The following ARHGAP17 variants were observed in gnomAD, a reference collection of about 807,000 sequenced individuals.
ARHGAP17 encodes rho GTPase-activating protein 17.
In ARHGAP17, 57 loss-of-function variants were observed where a neutral mutation model predicts 99.5. That is an observed-to-expected ratio of 0.57 (90% confidence interval 0.46 to 0.71). The LOEUF is 0.71. ARHGAP17 is among the 30% of genes least tolerant of loss of function. ARHGAP17 has a pLI of 0.00. For missense variants in ARHGAP17, 1,000 were observed against 1,122.4 expected (o/e 0.89, Z 1.56); for synonymous variants, 417 against 429.6 (o/e 0.97, Z 0.36).
At chr16:24,967,804 G>C (rs1242919258) in intron 6 of ARHGAP17, among the ~76,000 whole-genome samples, 2 of 150,842 alleles carry the variant, frequency 1.3e-5, no homozygotes, top group East Asian at 3.9e-4. Flanking sequence ...AAAAGAAAAG[G>C]AAAGAAAAAA....
intron 1 of ARHGAP17, among the ~76,000 whole-genome samples, chr16:24,995,360 G>A (rs2053163485): frequency 6.6e-6 from 1 of 152,182 alleles, no homozygotes; most frequent in Admixed American, 6.5e-5. Context: ...AAGATATCCT[G>A]AAACTGGTGA....
At chr16:24,988,474 A>G (rs1292176522) in intron 1 of ARHGAP17, among the ~76,000 whole-genome samples, 1 of 152,208 alleles carries the variant, frequency 6.6e-6, no homozygotes, top group Admixed American at 6.5e-5. Flanking sequence ...TTATTTCCCC[A>G]AATGATGGTA....
chr16:24,931,288 G>C lies in ARHGAP17; in HGVS notation c.2011C>G (p.Pro671Ala), dbSNP rs777726865. The C allele has an allele frequency of 6.5e-7, 1 of 1,528,892 alleles. No individual in the cohort carries two copies. Among genetic ancestry groups the C allele is most frequent in the Non-Finnish European group, 8.8e-7 (1 of 1,138,476 alleles). The allele number at this position is 1,528,892 out of a possible 1,614,324, so 94.7% of individuals were successfully genotyped here. A position where few individuals can be genotyped will look rare whatever the true frequency, so the allele number is the denominator to read the frequency against. ...GTGGGAGGAGAGGGGCTTCGGGTGG[G>C]TGGCTTTGGTGACAGACTGGGTGGA... is the stretch of plus-strand genomic sequence containing the variant. ...QHPPSLSPKP[P>A]TRSPSPPTQH... Residue 671 changes from proline (P) to alanine (A), a missense_variant, in exon 19 of 20, where the codon CCC becomes GCC. Physicochemically the swap from Pro to Ala is conservative, Grantham distance 27. Coordinates refer to ENST00000289968, the MANE Select transcript of ARHGAP17 (RefSeq NM_001006634.3).
chr16:24,929,622 G>A (rs2050929612), intron 19 of ARHGAP17: 2 of 987,864 alleles, frequency 2.0e-6, no homozygotes, highest in Non-Finnish European at 2.4e-6. Flanking sequence ...CCTTAGTCCT[G>A]GAAACCTTCC....
intron 1 of ARHGAP17, among the ~76,000 whole-genome samples, chr16:24,979,954 G>A (rs1300835401): frequency 1.3e-5 from 2 of 152,110 alleles, no homozygotes; most frequent in African/African-American, 4.8e-5. Context: ...CAAGTAATCC[G>A]CCCACCTTGG....
chr16:24,964,457 T>C, intron 6 of ARHGAP17, 149 bp from the exon 7 acceptor site: 1 of 625,970 alleles, frequency 1.6e-6, no homozygotes, highest in Non-Finnish European at 2.8e-6. Flanking sequence ...CTCTTGAGCT[T>C]ATTCTCTAAG....
chr16:24,994,592 C>A (rs1437110573), intron 1 of ARHGAP17, among the ~76,000 whole-genome samples: 2 of 152,188 alleles, frequency 1.3e-5, no homozygotes, highest in Non-Finnish European at 2.9e-5. Context: ...ACTATCACCA[C>A]AGCCCACATT....
At chr16:24,960,019 A>G in intron 7 of ARHGAP17, 40 bp from the exon 8 acceptor site, 1 of 1,596,704 alleles carries the variant, frequency 6.3e-7, no homozygotes, top group Non-Finnish European at 8.6e-7. Context: ...AAGAAAAAAG[A>G]AGTGAAACAA....
At chr16:24,998,274 A>C (rs112479971) in intron 1 of ARHGAP17, among the ~76,000 whole-genome samples, 11 of 152,024 alleles carry the variant, frequency 7.2e-5, no homozygotes, top group African/African-American at 2.7e-4. Context: ...GGGAGGGCTG[A>C]GAAAAGCCTG....
chr16:24,933,484 A>C (rs1227376931), intron 18 of ARHGAP17, among the ~76,000 whole-genome samples: 1 of 150,818 alleles, frequency 6.6e-6, no homozygotes, highest in Non-Finnish European at 1.5e-5. Flanking sequence ...CCTGCCTCTA[A>C]AAAACATAAG....
intron 1 of ARHGAP17, among the ~76,000 whole-genome samples, chr16:24,988,716 C>T (rs576724926): frequency 6.6e-6 from 1 of 152,190 alleles, no homozygotes; most frequent in African/African-American, 2.4e-5. Flanking sequence ...GCTTTTTCCC[C>T]TCTGGCACAT....
At chr16:24,932,138 G>C (rs1180602879) in intron 18 of ARHGAP17, among the ~76,000 whole-genome samples, 1 of 151,764 alleles carries the variant, frequency 6.6e-6, no homozygotes, top group African/African-American at 2.4e-5. Flanking sequence ...GGGGGGATGG[G>C]GGGACTAGCC....
At chr16:24,984,697 T>C (rs1040578402) in intron 1 of ARHGAP17, among the ~76,000 whole-genome samples, 1 of 151,702 alleles carries the variant, frequency 6.6e-6, no homozygotes, top group East Asian at 1.9e-4. Context: ...AATGAATGAA[T>C]GGATGTCTAT....
At chr16:25,004,907 A>T (rs1037481160) in intron 1 of ARHGAP17, among the ~76,000 whole-genome samples, 10 of 152,222 alleles carry the variant, frequency 6.6e-5, no homozygotes, top group Non-Finnish European at 1.3e-4. Context: ...TGCATGGCTG[A>T]AATGAACTGA....
intron 9 of ARHGAP17, 163 bp from the exon 10 acceptor site, chr16:24,954,893 G>A (rs374150468): frequency 8.7e-6 from 9 of 1,035,584 alleles, no homozygotes; most frequent in Admixed American, 2.6e-5. Context: ...CCATCTACTG[G>A]AGCAGCAAAC....
intron 1 of ARHGAP17, among the ~76,000 whole-genome samples, chr16:25,003,905 C>T (rs900882955): frequency 6.6e-6 from 1 of 151,840 alleles, no homozygotes; most frequent in African/African-American, 2.4e-5. Context: ...TTAAATACTA[C>T]AAATACTTAA....
At chr16:25,001,909 T>C (rs562194497) in intron 1 of ARHGAP17, among the ~76,000 whole-genome samples, 2 of 152,098 alleles carry the variant, frequency 1.3e-5, no homozygotes, top group African/African-American at 4.8e-5. Flanking sequence ...AGCGAAACCC[T>C]GTCTCTACTA....
At chr16:24,971,414 C>T (rs2052359210) in intron 3 of ARHGAP17, among the ~76,000 whole-genome samples, 1 of 151,880 alleles carries the variant, frequency 6.6e-6, no homozygotes, top group African/African-American at 2.4e-5. Flanking sequence ...ACTGCAACCG[C>T]CGCCTGCCAG....
intron 9 of ARHGAP17, 35 bp from the exon 10 acceptor site, chr16:24,954,765 A>T: frequency 6.2e-7 from 1 of 1,609,850 alleles, no homozygotes; most frequent in South Asian, 1.1e-5. Flanking sequence ...GACACCCAAC[A>T]AACTCACGGC....
Sources: allele counts gnomAD v4.1 joint callset (sites outside exome capture counted in the v4.1 genomes callset), GRCh38; gene constraint gnomAD v4.1.1; transcripts MANE v1.5; gene names NCBI Gene and HGNC (gene_info 2026-07-23, HGNC 2026-07-21).